The following SYNDIG1 variants were observed in gnomAD, a reference collection of about 807,000 sequenced individuals.
SYNDIG1 encodes synapse differentiation inducing 1.
Under a neutral mutation model 19.4 loss-of-function variants are expected in SYNDIG1, and 9 were observed. The observed-to-expected ratio is 0.46, with a 90% CI of 0.28 to 0.81. The LOEUF (loss-of-function observed/expected upper bound fraction) is 0.81, where lower values mean the gene tolerates loss of function less well. Among genes scored for constraint, SYNDIG1 ranks in the 30% least tolerant of loss-of-function variants. SYNDIG1 has a pLI of 0.12. For synonymous variants in SYNDIG1, 141 were observed against 145.9 expected, an observed-to-expected ratio of 0.97 and a Z score of 0.24; for missense variants, 311 against 343.3, an observed-to-expected ratio of 0.91 and a Z score of 0.74.
chr20:24,665,284 T>C, intron 3 of SYNDIG1, 62 bp from the exon 4 acceptor site: 3 of 1,546,056 alleles, frequency 1.9e-6, no homozygotes, highest in East Asian at 2.3e-5. Context: ...AGATGAGCCC[T>C]CCACTCACTG....
intron 1 of SYNDIG1, among the ~76,000 whole-genome samples, chr20:24,507,865 TC>T (rs748080448): frequency 1.3e-5 from 2 of 152,176 alleles, no homozygotes; most frequent in Non-Finnish European, 2.9e-5. Context: ...AAGGAGCTCA[TC>T]TCCGAGAAGT....
At chr20:24,643,181 C>G (rs2059394871) in intron 3 of SYNDIG1, among the ~76,000 whole-genome samples, 1 of 152,202 alleles carries the variant, frequency 6.6e-6, no homozygotes, top group African/African-American at 2.4e-5. Context: ...GCCTTCTTCC[C>G]TTACTTCTCT....
chr20:24,497,240 C>T (rs904766353), intron 1 of SYNDIG1, among the ~76,000 whole-genome samples: 2 of 152,090 alleles, frequency 1.3e-5, no homozygotes, highest in Admixed American at 1.3e-4. Context: ...TCTCTCTGTG[C>T]TGCCCAGGCT....
chr20:24,593,153 C>T (rs1446643316), intron 3 of SYNDIG1, among the ~76,000 whole-genome samples: 1 of 152,208 alleles, frequency 6.6e-6, no homozygotes, highest in Non-Finnish European at 1.5e-5. Context: ...CAGCTTATTT[C>T]ATCACCCAGG....
intron 2 of SYNDIG1, among the ~76,000 whole-genome samples, chr20:24,547,100 G>A (rs2057593586): frequency 6.6e-6 from 1 of 151,680 alleles, no homozygotes; most frequent in Admixed American, 6.6e-5. Context: ...TCAGAGTGGG[G>A]CCTTCTCATT....
At chr20:24,637,554 T>C (rs1262604848) in intron 3 of SYNDIG1, among the ~76,000 whole-genome samples, 1 of 152,150 alleles carries the variant, frequency 6.6e-6, no homozygotes, top group Non-Finnish European at 1.5e-5. Context: ...TCTCCAGACT[T>C]CTGCCACAGA....
intron 1 of SYNDIG1, among the ~76,000 whole-genome samples, chr20:24,479,004 C>T (rs2055715126): frequency 6.6e-6 from 1 of 152,256 alleles, no homozygotes; most frequent in African/African-American, 2.4e-5. Context: ...AATGTTCTTT[C>T]TCCTTAGACA....
At chr20:24,600,418 A>T (rs1436361532) in intron 3 of SYNDIG1, among the ~76,000 whole-genome samples, 1 of 152,104 alleles carries the variant, frequency 6.6e-6, no homozygotes, top group Non-Finnish European at 1.5e-5. Flanking sequence ...CCAGGTCAGG[A>T]ATGTCCCTGG....
intron 2 of SYNDIG1, among the ~76,000 whole-genome samples, chr20:24,554,292 C>T (rs772858998): frequency 5.3e-5 from 8 of 151,976 alleles, no homozygotes; most frequent in Non-Finnish European, 1.0e-4. Flanking sequence ...TTGAATACCC[C>T]TTATTTCCTT....
chr20:24,553,550 C>G (rs1256036127), intron 2 of SYNDIG1, among the ~76,000 whole-genome samples: 2 of 152,138 alleles, frequency 1.3e-5, no homozygotes, highest in African/African-American at 2.4e-5. Context: ...TTTCCCAGCA[C>G]CAGTTATTAA....
intron 1 of SYNDIG1, among the ~76,000 whole-genome samples, chr20:24,515,601 G>T (rs2146497214): frequency 6.6e-6 from 1 of 151,940 alleles, no homozygotes; most frequent in South Asian, 2.1e-4. Context: ...GCTTCAAAGA[G>T]AATAAAATAC....
chr20:24,647,577 G>C (rs1016895546), intron 3 of SYNDIG1, among the ~76,000 whole-genome samples: 2 of 151,900 alleles, frequency 1.3e-5, no homozygotes, highest in African/African-American at 4.8e-5. Flanking sequence ...AATTTCGTGT[G>C]GAAATATCAG....
At position 24,553,275 on chromosome 20, in the gene SYNDIG1, A is replaced by T. The variant is rs540171764; in HGVS notation, c.480+9698A>T. 1.9e-3 allele frequency among the ~76,000 whole-genome samples: 284 copies of T among 152,104 alleles called. 1 individual carries two copies. The highest frequency in any genetic ancestry group is 3.0e-3 in the Non-Finnish European group (205 of 67,972). ...TTTTGTAGGTTGCCTGTTCACTCTGATGGTAGTTTCTTTTGCTGTGCAGAA... is the reference window on the plus strand; with the variant it reads ...TTTTGTAGGTTGCCTGTTCACTCTGTTGGTAGTTTCTTTTGCTGTGCAGAA... On this transcript the variant is annotated intron_variant, in intron 2 of 3. Transcript: ENST00000376862.
chr20:24,549,841 G>A (rs2057669421), intron 2 of SYNDIG1, among the ~76,000 whole-genome samples: 1 of 152,168 alleles, frequency 6.6e-6, no homozygotes, highest in Admixed American at 6.5e-5. Flanking sequence ...ATACTGGAGT[G>A]GGAAGGTGAT....
At chr20:24,573,044 T>C (rs1163581830) in intron 2 of SYNDIG1, among the ~76,000 whole-genome samples, 1 of 152,144 alleles carries the variant, frequency 6.6e-6, no homozygotes, top group Non-Finnish European at 1.5e-5. Flanking sequence ...GTCTGAAGTT[T>C]TACCCACTGC....
intron 2 of SYNDIG1, among the ~76,000 whole-genome samples, chr20:24,551,512 C>G (rs181869963): frequency 6.6e-6 from 1 of 151,766 alleles, no homozygotes; most frequent in East Asian, 1.9e-4. Flanking sequence ...TTATGACATC[C>G]TGCCCTCTGT....
chr20:24,607,581 G>A (rs549286509), intron 3 of SYNDIG1, among the ~76,000 whole-genome samples: 7 of 92,378 alleles, frequency 7.6e-5, no homozygotes, highest in South Asian at 6.3e-4. Context: ...CCTCAAGAGC[G>A]AGACATCTCC....
At chr20:24,471,048 G>A (rs1368742776) in intron 1 of SYNDIG1, among the ~76,000 whole-genome samples, 2 of 152,140 alleles carry the variant, frequency 1.3e-5, no homozygotes, top group East Asian at 1.9e-4. Context: ...GCGCGAGTCC[G>A]TGTATCTGTC....
intron 3 of SYNDIG1, among the ~76,000 whole-genome samples, chr20:24,615,270 G>T (rs768282651): frequency 7.2e-5 from 11 of 152,194 alleles, no homozygotes; most frequent in Non-Finnish European, 5.9e-5. Flanking sequence ...CCAGGGAGGG[G>T]TGTTACTCCA....
Sources: allele counts gnomAD v4.1 joint callset (sites outside exome capture counted in the v4.1 genomes callset), GRCh38; gene constraint gnomAD v4.1.1; transcripts MANE v1.5; gene names NCBI Gene and HGNC (gene_info 2026-07-23, HGNC 2026-07-21).